PAPOLA: variants seen among roughly 807,000 people sequenced by gnomAD.
PAPOLA encodes poly(A) polymerase alpha.
Under a neutral mutation model 100.6 loss-of-function variants are expected in PAPOLA, and 15 were observed. The observed-to-expected ratio is 0.15, with a 90% CI of 0.10 to 0.23. PAPOLA has a LOEUF of 0.23. PAPOLA is among the 10% of genes least tolerant of loss of function. The pLI is 1.00. For synonymous variants in PAPOLA, 293 were observed against 300.0 expected (o/e 0.98, Z 0.24); for missense variants, 533 against 884.2 (o/e 0.60, Z 5.04).
intron 1 of PAPOLA, among the ~76,000 whole-genome samples, chr14:96,507,904 C>T (rs888147215): frequency 6.6e-6 from 1 of 152,122 alleles, no homozygotes; most frequent in African/African-American, 2.4e-5. Context: ...GAGATGGAGT[C>T]TTGCTCTGTT....
intron 9 of PAPOLA, chr14:96,533,349 C>G: frequency 1.0e-6 from 1 of 982,408 alleles, no homozygotes; most frequent in Non-Finnish European, 1.2e-6. Context: ...TCCTGCTCCT[C>G]CCTCTGCAAA....
intron 3 of PAPOLA, among the ~76,000 whole-genome samples, chr14:96,524,276 A>T (rs1449835594): frequency 6.6e-6 from 1 of 152,126 alleles, no homozygotes; most frequent in East Asian, 1.9e-4. Flanking sequence ...TAAACCGTAA[A>T]GCTTGGGACT....
At chr14:96,527,228 A>G (rs533277459) in intron 4 of PAPOLA, 1 of 533,668 alleles carries the variant, frequency 1.9e-6, no homozygotes, top group African/African-American at 2.0e-5. Flanking sequence ...TAAATAGAGG[A>G]TGCTGCAGGA....
intron 1 of PAPOLA, among the ~76,000 whole-genome samples, chr14:96,513,638 A>G (rs934155467): frequency 2.0e-5 from 3 of 152,142 alleles, no homozygotes; most frequent in Non-Finnish European, 4.4e-5. Context: ...CATGGCCAAC[A>G]TTGGAGGTTT....
At chr14:96,542,011 G>T (rs550308754) in intron 12 of PAPOLA, 11 of 316,244 alleles carry the variant, frequency 3.5e-5, no homozygotes, top group African/African-American at 2.4e-4. Context: ...GAATTAAGCT[G>T]CTTTTTGGTA....
intron 9 of PAPOLA, chr14:96,534,264 G>A (rs778887915): frequency 2.6e-5 from 35 of 1,340,680 alleles, no homozygotes; most frequent in Middle Eastern, 2.8e-4. Flanking sequence ...GGCAGAGAAC[G>A]TTTTTGGTTT....
intron 9 of PAPOLA, chr14:96,533,259 T>G: frequency 1.0e-6 from 1 of 984,588 alleles, no homozygotes; most frequent in Non-Finnish European, 1.2e-6. Flanking sequence ...CATTTTATAT[T>G]AATTGCCTTG....
In PAPOLA at chr14:96,552,571, C is replaced by A; in HGVS notation, c.1613C>A (p.Pro538His). The A allele has an allele frequency of 6.2e-7, 1 of 1,613,972 alleles. No homozygotes were observed. The highest frequency in any genetic ancestry group is 8.5e-7 in the Non-Finnish European group (1 of 1,179,876). The change falls in exon 17 of 22, where the codon CCT becomes CAT. Residue 538 changes from proline (P) to histidine (H), a missense_variant. Transcript: ENST00000216277. ...DSDNSMSVPS[P>H]TSATKTSPLN... ...GATAACAGCATGTCTGTGCCTTCAC[C>A]TACTAGTGCTACGAAGACCAGTCCA...
intron 1 of PAPOLA, among the ~76,000 whole-genome samples, chr14:96,505,329 A>G (rs1896632920): frequency 6.6e-6 from 1 of 152,172 alleles, no homozygotes; most frequent in African/African-American, 2.4e-5. Flanking sequence ...CCTGGGGTGC[A>G]AAATCTGGTT....
intron 9 of PAPOLA, chr14:96,534,131 C>T: frequency 9.7e-7 from 1 of 1,026,510 alleles, no homozygotes; most frequent in South Asian, 4.3e-5. Context: ...TTGGATGGAA[C>T]TAGTATAAAG....
intron 6 of PAPOLA, 106 bp downstream of exon 6, chr14:96,528,112 GATATTAATAACA>G: frequency 1.4e-6 from 1 of 728,776 alleles, no homozygotes; most frequent in Non-Finnish European, 2.5e-6. Context: ...AGTTGGTTGT[GATATTAATAACA>G]ATTAAGGCTT....
intron 3 of PAPOLA, among the ~76,000 whole-genome samples, chr14:96,521,846 C>G (rs1209387160): frequency 6.6e-6 from 1 of 152,152 alleles, no homozygotes; most frequent in East Asian, 1.9e-4. Flanking sequence ...GAGTCTCACT[C>G]TGTCACCCAG....
intron 16 of PAPOLA, among the ~76,000 whole-genome samples, chr14:96,550,362 A>G (rs993071833): frequency 7.9e-5 from 12 of 152,166 alleles, no homozygotes; most frequent in African/African-American, 2.9e-4. Flanking sequence ...TTTCCATGAC[A>G]ATATTGATAT....
intron 1 of PAPOLA, among the ~76,000 whole-genome samples, chr14:96,514,649 C>T (rs938745186): frequency 2.6e-5 from 4 of 152,160 alleles, no homozygotes; most frequent in African/African-American, 9.7e-5. Context: ...AAATATTTAT[C>T]CTAATTAGAG....
In PAPOLA at chr14:96,531,604, TC is replaced by T. The variant is rs770546751; in HGVS notation, c.607+20del. The T allele has an allele frequency of 1.3e-6, 2 of 1,585,000 alleles. No individual in the cohort carries two copies. Among genetic ancestry groups the T allele is most frequent in the Non-Finnish European group, 1.7e-6 (2 of 1,163,718 alleles). ...TCTTAACGGTATGAGAAAGCCTACT[TC>T]CTTTTGTGTACTTCAGTTTTTGTCA... is the stretch of plus-strand genomic sequence containing the variant. On this transcript the variant is annotated intron_variant, in intron 7 of 21. Transcript: ENST00000216277.
chr14:96,520,333 C>T (rs1897843657), intron 2 of PAPOLA, 105 bp downstream of exon 2: 1 of 826,734 alleles, frequency 1.2e-6, no homozygotes, highest in Non-Finnish European at 1.9e-6. Flanking sequence ...GGGTTATTTG[C>T]CCAGATCTAT....
Position 96,539,296 on chromosome 14 carries a change from A to G in PAPOLA, c.1115+2236A>G, listed in dbSNP as rs143980436. 1.5e-3 allele frequency among the ~76,000 whole-genome samples: 225 copies of G among 152,258 alleles called. 1 individual carries two copies. The highest frequency in any genetic ancestry group is 5.3e-3 in the African/African-American group (219 of 41,582). ...AACCTTAAATTTGTTAAAAAAGTTA[A>G]AAACAGGAAACTAAATCTTGGTCTT... On this transcript the variant is annotated intron_variant, in intron 12 of 21. Transcript: ENST00000216277.
chr14:96,504,452 C>T (rs1237452898), intron 1 of PAPOLA: 1 of 152,342 alleles, frequency 6.6e-6, no homozygotes, highest in East Asian at 1.9e-4. Context: ...CCTGTAATCC[C>T]AGCACTTTGG....
At chr14:96,561,027 A>C (rs1901799140) in intron 20 of PAPOLA, among the ~76,000 whole-genome samples, 1 of 152,224 alleles carries the variant, frequency 6.6e-6, no homozygotes, top group African/African-American at 2.4e-5. Flanking sequence ...TGACTGCAGA[A>C]ATAGCAGTAC....
Sources: allele counts gnomAD v4.1 joint callset (sites outside exome capture counted in the v4.1 genomes callset), GRCh38; gene constraint gnomAD v4.1.1; transcripts MANE v1.5; gene names NCBI Gene and HGNC (gene_info 2026-07-23, HGNC 2026-07-21).